DPP10: variants seen among roughly 807,000 people sequenced by gnomAD.
DPP10 encodes inactive dipeptidyl peptidase 10.
DPP10 carries 33 observed loss-of-function variants against 120.9 expected under a neutral mutation model. That is an observed-to-expected ratio of 0.27 (90% CI 0.21 to 0.37). DPP10 has a LOEUF of 0.37. Among genes scored for constraint, DPP10 ranks in the 10% least tolerant of loss-of-function variants. DPP10 has a pLI of 1.00. For synonymous variants in DPP10, 337 were observed against 326.1 expected, an observed-to-expected ratio of 1.03 and a Z score of -0.36; for missense variants, 816 against 942.8, an observed-to-expected ratio of 0.87 and a Z score of 1.76.
intron 1 of DPP10, among the ~76,000 whole-genome samples, chr2:114,443,075 A>G (rs751946598): frequency 9.2e-5 from 14 of 151,392 alleles, no homozygotes; most frequent in Admixed American, 2.0e-4. Flanking sequence ...CTGAGAATCT[A>G]TCAGAGGTAT....
intron 1 of DPP10, among the ~76,000 whole-genome samples, chr2:115,280,161 G>A (rs185882115): frequency 1.0e-3 from 153 of 152,278 alleles, no homozygotes; most frequent in African/African-American, 3.4e-3. Context: ...CAACAGGCTT[G>A]TATGGAGGTA....
chr2:114,790,479 C>T (rs188627519), intron 1 of DPP10, among the ~76,000 whole-genome samples: 18 of 152,160 alleles, frequency 1.2e-4, no homozygotes, highest in Admixed American at 3.3e-4. Context: ...TTTTCATGCG[C>T]GTCCGTGTGA....
At chr2:115,643,224 C>T (rs1308746058) in intron 5 of DPP10, among the ~76,000 whole-genome samples, 4 of 151,890 alleles carry the variant, frequency 2.6e-5, no homozygotes, top group African/African-American at 4.8e-5. Context: ...TAAACTGTTA[C>T]GGTACGTACA....
chr2:114,625,369 G>A (rs1694431887), intron 1 of DPP10, among the ~76,000 whole-genome samples: 1 of 151,830 alleles, frequency 6.6e-6, no homozygotes, highest in Non-Finnish European at 1.5e-5. Context: ...TTAAACAGGA[G>A]TACTTCACAG....
chr2:115,386,370 C>A (rs1469734878), intron 3 of DPP10, among the ~76,000 whole-genome samples: 2 of 152,128 alleles, frequency 1.3e-5, no homozygotes, highest in Admixed American at 1.3e-4. Flanking sequence ...TTGACACATG[C>A]ATCACTCTTA....
At chr2:115,309,397 A>T in intron 2 of DPP10, 44 bp downstream of exon 2, 1 of 1,581,216 alleles carries the variant, frequency 6.3e-7, no homozygotes, top group South Asian at 1.1e-5. Context: ...GGTATTGTGG[A>T]TGATAATTTC....
intron 3 of DPP10, among the ~76,000 whole-genome samples, chr2:115,494,107 G>A (rs1164610054): frequency 6.6e-6 from 1 of 151,918 alleles, no homozygotes; most frequent in Non-Finnish European, 1.5e-5. Context: ...CACCACCACG[G>A]CTAATTTTTT....
intron 1 of DPP10, among the ~76,000 whole-genome samples, chr2:114,961,033 C>G (rs1488244696): frequency 1.9e-5 from 1 of 52,004 alleles, no homozygotes; most frequent in South Asian, 8.2e-4. Context: ...CTCTATACGC[C>G]TTTTTTTTTT....
At chr2:114,659,553 G>T (rs182318374) in intron 1 of DPP10, among the ~76,000 whole-genome samples, 5 of 151,734 alleles carry the variant, frequency 3.3e-5, no homozygotes, top group African/African-American at 9.7e-5. Flanking sequence ...CCAAATATTT[G>T]ATTTTTTCAG....
chr2:115,738,962 G>A (rs922761186), intron 8 of DPP10, among the ~76,000 whole-genome samples: 1 of 152,158 alleles, frequency 6.6e-6, no homozygotes, highest in African/African-American at 2.4e-5. Flanking sequence ...TGTAAACTAA[G>A]CTAGTAGCAG....
chr2:115,468,460 C>A, intron 3 of DPP10: 1 of 438,462 alleles, frequency 2.3e-6, no homozygotes, highest in Admixed American at 2.5e-5. Context: ...CTCACAGAGG[C>A]ATCTTTTATT....
At chr2:114,612,819 A>G (rs1258284896) in intron 1 of DPP10, among the ~76,000 whole-genome samples, 1 of 152,176 alleles carries the variant, frequency 6.6e-6, no homozygotes, top group Admixed American at 6.6e-5. Context: ...ATATTTGCTA[A>G]TTCTTAAAGT....
chr2:114,816,471 A>G (rs938831344), intron 1 of DPP10, among the ~76,000 whole-genome samples: 4 of 152,188 alleles, frequency 2.6e-5, no homozygotes, highest in Non-Finnish European at 5.9e-5. Flanking sequence ...AGACCTTTTC[A>G]TAATGGCTTT....
chr2:115,443,496 T>C (rs2072270718), intron 3 of DPP10, among the ~76,000 whole-genome samples: 1 of 152,196 alleles, frequency 6.6e-6, no homozygotes, highest in Non-Finnish European at 1.5e-5. Context: ...GATTTTACTC[T>C]AATGGAATTA....
At chr2:114,904,346 C>T (rs1693810537) in intron 1 of DPP10, among the ~76,000 whole-genome samples, 1 of 152,140 alleles carries the variant, frequency 6.6e-6, no homozygotes, top group Admixed American at 6.5e-5. Flanking sequence ...AAGAACTTGG[C>T]TGAAGTGTGT....
At chr2:114,460,175 A>G (rs561323293) in intron 1 of DPP10, among the ~76,000 whole-genome samples, 6 of 21,420 alleles carry the variant, frequency 2.8e-4, no homozygotes, top group East Asian at 5.3e-3. Context: ...GATGATATCT[A>G]TCTATCTATC....
intron 21 of DPP10, among the ~76,000 whole-genome samples, chr2:115,824,848 AT>A (rs1388604087): frequency 6.6e-6 from 1 of 152,116 alleles, no homozygotes; most frequent in Non-Finnish European, 1.5e-5. Flanking sequence ...CATAATATAT[AT>A]TTTTTAGACA....
chr2:114,755,090 C>T (rs1168974547), intron 1 of DPP10, among the ~76,000 whole-genome samples: 1 of 152,100 alleles, frequency 6.6e-6, no homozygotes, highest in Non-Finnish European at 1.5e-5. Context: ...TGACTAATAG[C>T]TAGTTGGATA....
At chr2:114,577,066 A>G (rs751247710) in intron 1 of DPP10, among the ~76,000 whole-genome samples, 1 of 152,202 alleles carries the variant, frequency 6.6e-6, no homozygotes, top group African/African-American at 2.4e-5. Flanking sequence ...GGAAAGAGAC[A>G]GAGAACAACG....
Sources: allele counts gnomAD v4.1 joint callset (sites outside exome capture counted in the v4.1 genomes callset), GRCh38; gene constraint gnomAD v4.1.1; transcripts MANE v1.5; gene names NCBI Gene and HGNC (gene_info 2026-07-23, HGNC 2026-07-21).